The following KCNMA1 variants were observed in gnomAD, a reference collection of about 807,000 sequenced individuals.
KCNMA1 encodes the protein potassium calcium-activated channel subfamily M alpha 1.
In KCNMA1, 29 loss-of-function variants were observed where a neutral mutation model predicts 140.0. The ratio of observed to expected loss-of-function variants is 0.21; its 90% CI spans 0.15 to 0.28. KCNMA1 has a LOEUF of 0.28. Among genes scored for constraint, KCNMA1 ranks in the 10% least tolerant of loss-of-function variants. KCNMA1 has a pLI of 1.00. For synonymous variants in KCNMA1, 612 were observed against 611.9 expected (o/e 1.00, Z 0.00); for missense variants, 880 against 1,602.2 (o/e 0.55, Z 7.70).
At chr10:77,355,838 T>C (rs991587137) in intron 2 of KCNMA1, among the ~76,000 whole-genome samples, 2 of 120,822 alleles carry the variant, frequency 1.7e-5, no homozygotes, top group African/African-American at 6.2e-5. Flanking sequence ...GCCATCCTTC[T>C]GGTAAAAGGA....
chr10:77,120,823 C>T, intron 6 of KCNMA1, 150 bp downstream of exon 6: 2 of 651,890 alleles, frequency 3.1e-6, no homozygotes, highest in South Asian at 3.5e-5. Flanking sequence ...AAACCCTACT[C>T]TGGTTTTCTC....
At chr10:77,132,173 A>G (rs1022281335) in intron 5 of KCNMA1, among the ~76,000 whole-genome samples, 2 of 152,142 alleles carry the variant, frequency 1.3e-5, no homozygotes, top group African/African-American at 4.8e-5. Flanking sequence ...AACTATCTCA[A>G]CTCAAAAAAT....
chr10:77,216,719 C>A (rs1419936759), intron 3 of KCNMA1, among the ~76,000 whole-genome samples: 1 of 152,102 alleles, frequency 6.6e-6, no homozygotes, highest in African/African-American at 2.4e-5. Flanking sequence ...ATTTATTAAC[C>A]ATGAACTCAT....
At chr10:77,095,042 C>T (rs2096897713) in intron 9 of KCNMA1, among the ~76,000 whole-genome samples, 1 of 152,160 alleles carries the variant, frequency 6.6e-6, no homozygotes. Context: ...CTCAGGACTT[C>T]CTCACCAGCC....
At chr10:77,580,496 T>C (rs2075561106) in intron 1 of KCNMA1, among the ~76,000 whole-genome samples, 1 of 151,980 alleles carries the variant, frequency 6.6e-6, no homozygotes, top group Admixed American at 6.6e-5. Context: ...AAATAAAAAA[T>C]GAACGCATCA....
At position 76,989,989 on chromosome 10, in the gene KCNMA1, T is replaced by C. The variant is rs529662025; in HGVS notation, c.2266+11418A>G. Among the ~76,000 whole-genome samples the C allele has an allele frequency of 2.2e-4, 34 of 152,336 alleles. 1 individual carries two copies. The South Asian group carries it at 6.4e-3, about 29-fold the overall frequency. On this transcript the variant is annotated intron_variant, in intron 19 of 27. Transcript: ENST00000286628. ...TAATGAAGGATGATAAAAATAATAA[T>C]TCAACATATACCAGGCAATCTTTAT...
chr10:77,587,724 G>A (rs992767502), intron 1 of KCNMA1: 3 of 985,304 alleles, frequency 3.0e-6, no homozygotes, highest in Non-Finnish European at 3.6e-6. Context: ...GCTTTGCAGA[G>A]GCTGTTTTGC....
chr10:77,386,404 A>G (rs1420574037), intron 2 of KCNMA1, among the ~76,000 whole-genome samples: 4 of 152,222 alleles, frequency 2.6e-5, no homozygotes, highest in Non-Finnish European at 4.4e-5. Context: ...AAGAGGAAGA[A>G]TTGAGGAACG....
intron 5 of KCNMA1, among the ~76,000 whole-genome samples, chr10:77,129,106 A>G (rs1421360014): frequency 6.6e-6 from 1 of 152,196 alleles, no homozygotes; most frequent in African/African-American, 2.4e-5. Flanking sequence ...TTCTGATTCG[A>G]GTGTGCAGCC....
At chr10:76,910,287 T>A in intron 24 of KCNMA1, 191 bp from the exon 25 acceptor site, 1 of 615,118 alleles carries the variant, frequency 1.6e-6, no homozygotes, top group Non-Finnish European at 2.9e-6. Flanking sequence ...TGTCACTGTT[T>A]AAGTGTCTGA....
intron 2 of KCNMA1, among the ~76,000 whole-genome samples, chr10:77,288,559 T>A (rs1270671665): frequency 6.6e-6 from 1 of 152,240 alleles, no homozygotes; most frequent in East Asian, 1.9e-4. Flanking sequence ...AAGGAGGTAC[T>A]ATTATCATCC....
At chr10:77,024,922 A>C (rs1481577671) in intron 16 of KCNMA1, among the ~76,000 whole-genome samples, 1 of 151,980 alleles carries the variant, frequency 6.6e-6, no homozygotes, top group Non-Finnish European at 1.5e-5. Flanking sequence ...TAGACAAGAA[A>C]CTCGACACAG....
chr10:76,889,523 T>C lies in KCNMA1; in HGVS notation c.3389A>G (p.Tyr1130Cys). 2 of 1,614,122 alleles carry C rather than the reference T, an allele frequency of 1.2e-6. No individual in the cohort carries two copies. Among genetic ancestry groups the C allele is most frequent in the Non-Finnish European group, 1.7e-6 (2 of 1,179,990 alleles). The part of the protein sequence containing the change: ...GDLFCKALKT[Y>C]NMLCFGIYRL... Reference sequence around the variant, plus strand: ...GTAAATTCCAAAACAAAGCATATTATATGTTTTCAGAGCTTTGCAGAACAG... The same window carrying C: ...GTAAATTCCAAAACAAAGCATATTACATGTTTTCAGAGCTTTGCAGAACAG... The change falls in exon 27 of 28, where the codon TAT becomes TGT. Residue 1130 changes from tyrosine to cysteine, a missense_variant. Around this residue, in one of 13 missense-constraint regions of KCNMA1, gnomAD observed 115 missense variants for 139.9 expected, o/e 0.82. Transcript: ENST00000286628.
intron 14 of KCNMA1, among the ~76,000 whole-genome samples, chr10:77,053,627 T>C (rs2095446163): frequency 6.6e-6 from 1 of 152,180 alleles, no homozygotes; most frequent in Non-Finnish European, 1.5e-5. Context: ...CAACACAAAA[T>C]TGTAAGCACT....
intron 21 of KCNMA1, chr10:76,952,010 T>G: frequency 6.5e-7 from 1 of 1,549,304 alleles, no homozygotes; most frequent in Non-Finnish European, 8.7e-7. Context: ...TGATGTTATT[T>G]TTCATAGGAT....
At chr10:77,263,763 C>T (rs2062647662) in intron 2 of KCNMA1, among the ~76,000 whole-genome samples, 1 of 152,118 alleles carries the variant, frequency 6.6e-6, no homozygotes, top group African/African-American at 2.4e-5. Context: ...CAGGTGCATG[C>T]TCACATTCCT....
intron 1 of KCNMA1, among the ~76,000 whole-genome samples, chr10:77,580,526 C>T (rs1449030787): frequency 6.6e-6 from 1 of 152,240 alleles, no homozygotes; most frequent in African/African-American, 2.4e-5. Flanking sequence ...CCAATCTCTA[C>T]TGCCTTCCTC....
At chr10:77,335,289 TCTC>T (rs2088474004) in intron 2 of KCNMA1, among the ~76,000 whole-genome samples, 1 of 152,178 alleles carries the variant, frequency 6.6e-6, no homozygotes, top group Non-Finnish European at 1.5e-5. Flanking sequence ...TGCCTCTTCT[TCTC>T]TTTCTCCTAG....
intron 3 of KCNMA1, among the ~76,000 whole-genome samples, chr10:77,243,277 T>C (rs1419066384): frequency 1.3e-5 from 2 of 152,198 alleles, no homozygotes; most frequent in African/African-American, 2.4e-5. Flanking sequence ...TTCTGAGCTA[T>C]AACATTTCGC....
Sources: gnomAD v4.1 joint callset for allele counts (sites outside exome capture counted in the v4.1 genomes callset) on GRCh38, gnomAD v4.1.1 for gene constraint, gnomAD v4.1.1 regional missense constraint, MANE v1.5 for transcripts, NCBI Gene and HGNC (gene_info 2026-07-23, HGNC 2026-07-21) for gene names.